The following ACOXL variants were observed in gnomAD, a reference collection of about 807,000 sequenced individuals.
ACOXL encodes acyl-CoA oxidase like, also known as acyl-coenzyme A oxidase-like protein.
A neutral mutation model predicts 71.9 loss-of-function variants in ACOXL; 70 were observed. That is an observed-to-expected ratio of 0.97 (90% confidence interval 0.80 to 1.19). ACOXL has a LOEUF of 1.19. Ranked by LOEUF, ACOXL falls within the 50% of genes most tolerant of loss-of-function variation. The probability of loss-of-function intolerance (pLI) is 0.00; values close to 1 mark genes in which losing one functional copy is unlikely to be tolerated. For missense variants in ACOXL, 703 were observed against 736.3 expected (o/e 0.95, Z 0.52); for synonymous variants, 253 against 281.6 (o/e 0.90, Z 1.02).
At chr2:110,746,779 A>T (rs1180469004) in intron 1 of ACOXL, among the ~76,000 whole-genome samples, 1 of 152,000 alleles carries the variant, frequency 6.6e-6, no homozygotes, top group Non-Finnish European at 1.5e-5. Flanking sequence ...TAAATAGCGG[A>T]TGCCTGCTTG....
At chr2:110,906,032 C>G (rs1410581778) in intron 10 of ACOXL, among the ~76,000 whole-genome samples, 1 of 152,086 alleles carries the variant, frequency 6.6e-6, no homozygotes, top group Non-Finnish European at 1.5e-5. Flanking sequence ...AGGTGTGCCT[C>G]CATTGGGAAA....
At chr2:110,886,389 T>TTTC (rs1279652063) in intron 10 of ACOXL, among the ~76,000 whole-genome samples, 1 of 151,070 alleles carries the variant, frequency 6.6e-6, no homozygotes, top group Non-Finnish European at 1.5e-5. Flanking sequence ...TCTTTTTTTT[T>TTTC]TTTTTTTTAA....
At chr2:111,003,957 A>G (rs2063760048) in intron 14 of ACOXL, among the ~76,000 whole-genome samples, 1 of 152,218 alleles carries the variant, frequency 6.6e-6, no homozygotes, top group Non-Finnish European at 1.5e-5. Context: ...AGGAAAGAAT[A>G]TGGACTTCTA....
chr2:110,754,401 G>A (rs965459629), intron 1 of ACOXL, among the ~76,000 whole-genome samples: 2 of 152,058 alleles, frequency 1.3e-5, no homozygotes, highest in African/African-American at 4.8e-5. Flanking sequence ...TATTCCCTAT[G>A]TAGTATTGTG....
At chr2:111,022,418 T>G (rs2064807689) in intron 14 of ACOXL, among the ~76,000 whole-genome samples, 1 of 110,380 alleles carries the variant, frequency 9.1e-6, no homozygotes, top group Admixed American at 8.0e-5. Context: ...TAAAGACCCC[T>G]CCTCACACAC....
chr2:110,793,521 C>T, intron 3 of ACOXL, 129 bp from the exon 4 acceptor site: 1 of 791,334 alleles, frequency 1.3e-6, no homozygotes, highest in Non-Finnish European at 2.2e-6. Context: ...AGAAGCATGC[C>T]ACTTGCAGGG....
chr2:111,034,060 G>A (rs192315067), intron 15 of ACOXL, among the ~76,000 whole-genome samples: 1 of 152,226 alleles, frequency 6.6e-6, no homozygotes, highest in Non-Finnish European at 1.5e-5. Flanking sequence ...TGAGGATGGG[G>A]GCTCTGGAGT....
chr2:111,053,593 C>T (rs1402410097), intron 16 of ACOXL, among the ~76,000 whole-genome samples: 2 of 152,174 alleles, frequency 1.3e-5, no homozygotes, highest in Admixed American at 6.5e-5. Context: ...CTAGGATTGT[C>T]CCCTCTTAAA....
Position 111,010,700 on chromosome 2 carries a change from A to T in ACOXL, c.1281+14696A>T, listed in dbSNP as rs11894617. 9.4e-3 allele frequency among the ~76,000 whole-genome samples: 1,428 copies of T among 152,294 alleles called. 22 individuals are homozygous for T. The highest frequency in any genetic ancestry group is 0.032 in the African/African-American group (1,337 of 41,576). On this transcript the variant is annotated intron_variant, in intron 14 of 17. Transcript: ENST00000439055. ...AATAAATCTTAAAAGTTAGAAGAGA[A>T]CAAAGAACATTAGATGCAAGAAATA... is the stretch of plus-strand genomic sequence containing the variant.
At chr2:110,845,390 G>A (rs188452892) in intron 10 of ACOXL, among the ~76,000 whole-genome samples, 86 of 152,234 alleles carry the variant, frequency 5.6e-4, no homozygotes, top group Non-Finnish European at 1.0e-3. Flanking sequence ...ATATCATCAC[G>A]TTGGCCGTTA....
intron 14 of ACOXL, among the ~76,000 whole-genome samples, chr2:111,012,016 T>C (rs1356468377): frequency 1.5e-5 from 2 of 134,350 alleles, no homozygotes; most frequent in Non-Finnish European, 3.2e-5. Flanking sequence ...AGATTAAAAA[T>C]ACATGAAACA....
chr2:111,096,832 C>G (rs768633061), intron 17 of ACOXL, among the ~76,000 whole-genome samples: 5 of 152,146 alleles, frequency 3.3e-5, no homozygotes, highest in African/African-American at 4.8e-5. Context: ...TGACACCTAC[C>G]TTAAACCAAA....
chr2:111,053,031 T>C (rs1350269803), intron 16 of ACOXL, among the ~76,000 whole-genome samples: 5 of 152,274 alleles, frequency 3.3e-5, no homozygotes, highest in Admixed American at 1.3e-4. Flanking sequence ...ATCCCCACTC[T>C]GCCAGCAACT....
intron 16 of ACOXL, among the ~76,000 whole-genome samples, chr2:111,081,550 T>A (rs2067920494): frequency 6.6e-6 from 1 of 152,192 alleles, no homozygotes; most frequent in African/African-American, 2.4e-5. Context: ...AAACATTCCA[T>A]GCTCCTGGAT....
At chr2:110,849,923 C>A (rs890839397) in intron 10 of ACOXL, among the ~76,000 whole-genome samples, 6 of 152,096 alleles carry the variant, frequency 3.9e-5, no homozygotes, top group Non-Finnish European at 8.8e-5. Context: ...ACTTGTAGTC[C>A]AATGGGACAT....
intron 10 of ACOXL, among the ~76,000 whole-genome samples, chr2:110,889,674 C>T (rs974898484): frequency 1.3e-5 from 2 of 152,180 alleles, no homozygotes; most frequent in African/African-American, 2.4e-5. Context: ...ATTGGAATTT[C>T]ATTTCTTTTT....
At position 110,764,337 on chromosome 2, in the gene ACOXL, A is replaced by G. The variant is rs1314193848; in HGVS notation, c.-22-4031A>G. 2.0e-5 allele frequency among the ~76,000 whole-genome samples: 3 copies of G among 152,240 alleles called. No individual in the cohort carries two copies. In the East Asian group the frequency reaches 5.8e-4, roughly 29 times the overall value. ...ATGGAATATTATTTAGTGCTAAAAA[A>G]AAATGAGGTATCAAGCCATGAAAAG... is the stretch of plus-strand genomic sequence containing the variant. On this transcript the variant is annotated intron_variant, in intron 1 of 17. Coordinates refer to ENST00000439055, the MANE Select transcript of ACOXL (RefSeq NM_001142807.4).
intron 12 of ACOXL, among the ~76,000 whole-genome samples, chr2:110,975,061 G>A (rs1558812398): frequency 1.3e-5 from 2 of 152,168 alleles, no homozygotes; most frequent in South Asian, 2.1e-4. Context: ...GCGTACCAGC[G>A]GTGGGGCATC....
In ACOXL at chr2:111,088,861, G is replaced by A. The variant is rs117025888; in HGVS notation, c.1441-4004G>A. Among the ~76,000 whole-genome samples the A allele has an allele frequency of 9.5e-3, 1,450 of 152,240 alleles. 18 individuals carry two copies. The highest frequency in any genetic ancestry group is 0.048 in the East Asian group (247 of 5,178). ...ATATAAATCCAAGTTAAAATTCTAC[G>A]AAAGACTATTCCAGATAGTTTATGT... On this transcript the variant is annotated intron_variant, in intron 16 of 17. Coordinates refer to ENST00000439055, the MANE Select transcript of ACOXL (RefSeq NM_001142807.4).
Sources: gnomAD v4.1 joint callset for allele counts (sites outside exome capture counted in the v4.1 genomes callset) on GRCh38, gnomAD v4.1.1 for gene constraint, MANE v1.5 for transcripts, NCBI Gene and HGNC (gene_info 2026-07-23, HGNC 2026-07-21) for gene names.